The following TIMM17A variants were observed in gnomAD, a reference collection of about 807,000 sequenced individuals.
The protein encoded by TIMM17A is translocase of inner mitochondrial membrane 17A, also known as mitochondrial import inner membrane translocase subunit Tim17-A.
Under a neutral mutation model 26.5 loss-of-function variants are expected in TIMM17A, and 15 were observed. The ratio of observed to expected loss-of-function variants is 0.57; its 90% confidence interval spans 0.38 to 0.87. The LOEUF (loss-of-function observed/expected upper bound fraction) is 0.87. TIMM17A is among the 40% of genes least tolerant of loss of function. TIMM17A has a pLI of 0.00. For missense variants in TIMM17A, 201 were observed against 210.0 expected (o/e 0.96, Z 0.27); for synonymous variants, 80 against 70.8 (o/e 1.13, Z -0.66).
chr1:201,970,450 AC>A lies in TIMM17A; in HGVS notation c.*897del, dbSNP rs1682714819. Reference sequence around the variant, plus strand: ...GGTCATTTTCCTGATATTGGAAGTGACATGTGGCCCTATAGGAGGCATGATG... The same window carrying A: ...GGTCATTTTCCTGATATTGGAAGTGAATGTGGCCCTATAGGAGGCATGATG... On this transcript the variant is annotated 3_prime_UTR_variant, in exon 6 of 6. Transcript: ENST00000367287. The A allele has an allele frequency of 6.6e-6, 1 of 152,226 alleles. No homozygotes were observed. Among genetic ancestry groups the A allele is most frequent in the African/African-American group, 2.4e-5 (1 of 41,458 alleles). The allele number at this position is 152,226 out of a possible 1,614,324, so 9.4% of individuals were successfully genotyped here.
At chr1:201,958,243 C>G (rs1438328055) in intron 3 of TIMM17A, among the ~76,000 whole-genome samples, 3 of 152,138 alleles carry the variant, frequency 2.0e-5, no homozygotes, top group Non-Finnish European at 4.4e-5. Flanking sequence ...CAGGAGAAAC[C>G]CATCAAGCCG....
At chr1:201,963,827 A>G (rs1682576771) in intron 4 of TIMM17A, 83 bp downstream of exon 4, 11 of 1,403,838 alleles carry the variant, frequency 7.8e-6, no homozygotes, top group Non-Finnish European at 8.5e-6. Flanking sequence ...CATCTGTAAT[A>G]TATAAAACTG....
intron 1 of TIMM17A, 54 bp downstream of exon 1, chr1:201,955,606 C>T: frequency 6.2e-7 from 1 of 1,613,010 alleles, no homozygotes; most frequent in African/African-American, 1.3e-5. Context: ...CACTGCCCTC[C>T]TTCTCCCTTG....
rs189723123 is a variant in TIMM17A, at chr1:201,963,842, T to C, written c.319+98T>C. On this transcript the variant is annotated intron_variant, in intron 4 of 5. Transcript: ENST00000367287. ...CATCTGTAATATATAAAACTGATTA[T>C]TGACCAGGCACATTGGCTCATGACT... 3.4e-4 allele frequency: 448 copies of C among 1,312,384 alleles called. No homozygotes were observed. In the African/African-American group the frequency reaches 6.2e-3, roughly 18 times the overall value. 81.3% of individuals were successfully genotyped at this position (1,312,384 alleles called of 1,614,324 possible).
In TIMM17A at chr1:201,969,735, A is replaced by G; in HGVS notation, c.*181A>G. 2.1e-6 allele frequency: 1 copy of G among 473,966 alleles called. No homozygotes were observed. The highest frequency in any genetic ancestry group is 3.7e-5 in the South Asian group (1 of 27,366). 29.4% of individuals were successfully genotyped at this position (473,966 alleles called of 1,614,324 possible). On this transcript the variant is annotated 3_prime_UTR_variant, in exon 6 of 6. Coordinates refer to ENST00000367287, the MANE Select transcript of TIMM17A (RefSeq NM_006335.3). ...AAGCGGGGAAGGGTGCTAAAAGATA[A>G]TACGTTTATTTATTCACACTTGAAT...
chr1:201,958,801 C>T (rs1368107984), intron 3 of TIMM17A, among the ~76,000 whole-genome samples: 1 of 152,170 alleles, frequency 6.6e-6, no homozygotes, highest in Non-Finnish European at 1.5e-5. Context: ...TTTTGGGTAT[C>T]AAAATAATCT....
chr1:201,966,371 CAA>C (rs1682626240), intron 5 of TIMM17A, among the ~76,000 whole-genome samples: 1 of 151,906 alleles, frequency 6.6e-6, no homozygotes, highest in Non-Finnish European at 1.5e-5. Context: ...CAAAATGAAA[CAA>C]ACAGAAAACT....
In TIMM17A at chr1:201,957,553, A is replaced by G; in HGVS notation, c.169A>G (p.Thr57Ala). 2 of 1,613,478 alleles carry G rather than the reference A, an allele frequency of 1.2e-6. No individual in the cohort carries two copies. Among genetic ancestry groups the G allele is most frequent in the Non-Finnish European group, 1.7e-6 (2 of 1,179,944 alleles). ...RLRGSLTAIKTRAPQLGGSFA... is the reference protein window; with the variant it reads ...RLRGSLTAIKARAPQLGGSFA... ...ACGAGGGAGTTTGACAGCTATTAAA[A>G]CCAGGGCTCCACAGTTAGGAGGTAA... The change falls in exon 3 of 6, where the codon ACC becomes GCC. Residue 57 changes from threonine (T) to alanine (A), a missense_variant. Coordinates refer to ENST00000367287, the MANE Select transcript of TIMM17A (RefSeq NM_006335.3).
intron 1 of TIMM17A, 52 bp from the exon 2 acceptor site, chr1:201,957,228 AT>A (rs2102940835): frequency 1.7e-6 from 2 of 1,209,964 alleles, no homozygotes; most frequent in Non-Finnish European, 2.4e-6. Flanking sequence ...GGCAAAGAAG[AT>A]TTTATGGTTT....
rs71141429 is a variant in TIMM17A at position 201,961,066 on chromosome 1, CTTTTTTT to C, written c.191-2540_191-2534del. On this transcript the variant is annotated intron_variant, in intron 3 of 5. Transcript: ENST00000367287. ...CGCCCGGACTTAGGTCTTATATTTT[CTTTTTTT>C]TTTTTTTTTGAAACGGAATTTCGCT... 2.1e-3 allele frequency among the ~76,000 whole-genome samples: 283 copies of C among 136,062 alleles called. 1 individual carries two copies. The highest frequency in any genetic ancestry group is 7.3e-3 in the African/African-American group (266 of 36,620). 89.3% of individuals were successfully genotyped at this position (136,062 alleles called of 152,430 possible).
rs969706933 is a variant in TIMM17A at position 201,963,809 on chromosome 1, T to C, written c.319+65T>C. ...TTTAGGAAAACCTCATCTGCCTCAA[T>C]TGAATGACATCTGTAATATATAAAA... is the stretch of plus-strand genomic sequence containing the variant. On this transcript the variant is annotated intron_variant, in intron 4 of 5. Coordinates refer to ENST00000367287, the MANE Select transcript of TIMM17A (RefSeq NM_006335.3). 1.5e-5 allele frequency: 23 copies of C among 1,501,070 alleles called. No homozygotes were observed. In the East Asian group the frequency reaches 2.7e-4, roughly 18 times the overall value. The allele number at this position is 1,501,070 out of a possible 1,614,324, so 93.0% of individuals were successfully genotyped here. A position where few individuals can be genotyped will look rare whatever the true frequency, so the allele number is the denominator to read the frequency against.
chr1:201,964,605 CTTTA>C lies in TIMM17A; in HGVS notation c.320-812_320-809del, dbSNP rs1367054793. Reference sequence around the variant, plus strand: ...ACAGTATGGCTGTGTTTCAGTAAAACTTTATTTATTTATTTATTTTATTTTATTT... The same window carrying C: ...ACAGTATGGCTGTGTTTCAGTAAAACTTTATTTATTTATTTTATTTTATTT... On this transcript the variant is annotated intron_variant, in intron 4 of 5. Transcript: ENST00000367287. 2.0e-4 allele frequency among the ~76,000 whole-genome samples: 27 copies of C among 136,774 alleles called. 1 individual carries two copies. The highest frequency in any genetic ancestry group is 1.3e-3 in the Admixed American group (18 of 13,682). 89.7% of individuals were successfully genotyped at this position (136,774 alleles called of 152,430 possible).
intron 5 of TIMM17A, among the ~76,000 whole-genome samples, chr1:201,966,959 TTATATATTATATA>T: frequency 7.0e-6 from 1 of 143,416 alleles, no homozygotes; most frequent in East Asian, 2.0e-4. Flanking sequence ...ATTATATATG[TTATATATTATATA>T]TGTTGTATAT....
At chr1:201,959,978 G>T (rs1300514572) in intron 3 of TIMM17A, among the ~76,000 whole-genome samples, 1 of 151,306 alleles carries the variant, frequency 6.6e-6, no homozygotes, top group South Asian at 2.1e-4. Context: ...TCCAGCCAGG[G>T]TGACAGCGAG....
At chr1:201,960,905 C>T (rs1682511621) in intron 3 of TIMM17A, among the ~76,000 whole-genome samples, 1 of 151,876 alleles carries the variant, frequency 6.6e-6, no homozygotes, top group South Asian at 2.1e-4. Flanking sequence ...TGCGCCACCA[C>T]AGCCGGGATA....
At chr1:201,966,986 A>ACATGT (rs1331455198) in intron 5 of TIMM17A, among the ~76,000 whole-genome samples, 1,658 of 54,236 alleles carry the variant, frequency 0.031, 41 homozygotes, top group African/African-American at 0.09. Context: ...TGTATATTAT[A>ACATGT]TATGTTGTGT....
Position 201,968,622 on chromosome 1 carries a change from C to T in TIMM17A, c.431-847C>T, listed in dbSNP as rs543081090. Among the ~76,000 whole-genome samples the T allele has an allele frequency of 3.2e-3, 494 of 152,170 alleles. 3 individuals carry two copies. The highest frequency in any genetic ancestry group is 0.011 in the African/African-American group (476 of 41,534). ...GTCCTGACCTCAGGTGATCTGCCCG[C>T]CTCAACCTCCCAAAGTGCTGAGATT... On this transcript the variant is annotated intron_variant, in intron 5 of 5. Coordinates refer to ENST00000367287, the MANE Select transcript of TIMM17A (RefSeq NM_006335.3).
intron 5 of TIMM17A, among the ~76,000 whole-genome samples, chr1:201,967,393 C>CA (rs1558252102): frequency 6.6e-6 from 1 of 152,080 alleles, no homozygotes; most frequent in Non-Finnish European, 1.5e-5. Flanking sequence ...CATAAAACAT[C>CA]AAAACAGTTC....
intron 3 of TIMM17A, among the ~76,000 whole-genome samples, chr1:201,960,196 C>G (rs1014360411): frequency 1.3e-5 from 2 of 151,860 alleles, no homozygotes; most frequent in Non-Finnish European, 2.9e-5. Flanking sequence ...GTCGAGAGTT[C>G]GAAACCATCC....
Sources: allele counts gnomAD v4.1 joint callset (sites outside exome capture counted in the v4.1 genomes callset), GRCh38; gene constraint gnomAD v4.1.1; transcripts MANE v1.5; gene names NCBI Gene and HGNC (gene_info 2026-07-23, HGNC 2026-07-21).